NELL1: variants seen among roughly 807,000 people sequenced by gnomAD.
NELL1 encodes protein kinase C-binding protein NELL1.
Under a neutral mutation model 107.4 loss-of-function variants are expected in NELL1, and 76 were observed. The observed-to-expected ratio is 0.71, with a 90% CI of 0.59 to 0.86. The LOEUF is 0.86. Ranked by LOEUF, NELL1 falls within the 40% of genes least tolerant of loss-of-function variation. The probability of loss-of-function intolerance (pLI) is 0.00; values close to 1 mark genes in which losing one functional copy is unlikely to be tolerated. For synonymous variants in NELL1, 353 were observed against 341.2 expected, an observed-to-expected ratio of 1.03 and a Z score of -0.38; for missense variants, 1,024 against 1,005.5, an observed-to-expected ratio of 1.02 and a Z score of -0.25.
chr11:20,821,134 T>G (rs1233272895), intron 3 of NELL1, among the ~76,000 whole-genome samples: 2 of 152,128 alleles, frequency 1.3e-5, no homozygotes, highest in African/African-American at 4.8e-5. Context: ...AACTGGGACT[T>G]GAAGCATGAG....
At chr11:20,968,954 C>G (rs548322738) in intron 12 of NELL1, among the ~76,000 whole-genome samples, 1 of 152,232 alleles carries the variant, frequency 6.6e-6, no homozygotes, top group South Asian at 2.1e-4. Context: ...TAGCTGTGTT[C>G]CCAGGAGGAA....
chr11:21,220,942 G>A (rs1394529093), intron 13 of NELL1, among the ~76,000 whole-genome samples: 1 of 152,034 alleles, frequency 6.6e-6, no homozygotes, highest in Non-Finnish European at 1.5e-5. Context: ...TCTTTGTCTT[G>A]TTCTAGTTCT....
At chr11:20,671,852 G>T (rs1414621103) in intron 1 of NELL1, among the ~76,000 whole-genome samples, 3 of 152,146 alleles carry the variant, frequency 2.0e-5, no homozygotes, top group Non-Finnish European at 4.4e-5. Flanking sequence ...TAATTCTAGG[G>T]AGGAGTGGTG....
At chr11:20,698,636 A>T (rs1279058067) in intron 2 of NELL1, among the ~76,000 whole-genome samples, 1 of 152,176 alleles carries the variant, frequency 6.6e-6, no homozygotes, top group Non-Finnish European at 1.5e-5. Context: ...TGAGAAAAAG[A>T]CATTCATATT....
At chr11:20,938,302 G>A (rs539126449) in intron 10 of NELL1, among the ~76,000 whole-genome samples, 2 of 152,108 alleles carry the variant, frequency 1.3e-5, no homozygotes, top group Non-Finnish European at 2.9e-5. Context: ...AGATGTATAA[G>A]ATCATAGATC....
At chr11:21,007,685 C>G (rs550856413) in intron 12 of NELL1, among the ~76,000 whole-genome samples, 1 of 152,030 alleles carries the variant, frequency 6.6e-6, no homozygotes, top group African/African-American at 2.4e-5. Context: ...TACATTCACA[C>G]TTACTTGCAA....
At chr11:21,092,903 G>A (rs1353765790) in intron 12 of NELL1, among the ~76,000 whole-genome samples, 1 of 152,106 alleles carries the variant, frequency 6.6e-6, no homozygotes, top group Non-Finnish European at 1.5e-5. Flanking sequence ...TCTAGATGCA[G>A]ATGAACGCAG....
At chr11:20,956,873 T>C (rs1296621790) in intron 11 of NELL1, among the ~76,000 whole-genome samples, 3 of 152,210 alleles carry the variant, frequency 2.0e-5, no homozygotes, top group Admixed American at 6.5e-5. Flanking sequence ...TACTTTATCA[T>C]ATTTGAACTT....
chr11:21,488,899 A>G (rs1385425146), intron 15 of NELL1, among the ~76,000 whole-genome samples: 4 of 152,138 alleles, frequency 2.6e-5, no homozygotes, highest in Non-Finnish European at 2.9e-5. Flanking sequence ...GAACACACCA[A>G]GCACAAAATT....
At chr11:20,895,572 C>T (rs1012466558) in intron 5 of NELL1, among the ~76,000 whole-genome samples, 1 of 140,458 alleles carries the variant, frequency 7.1e-6, no homozygotes, top group African/African-American at 2.6e-5. Context: ...GTGGCGCGAT[C>T]TTGGCTCACT....
At chr11:21,060,680 C>A (rs9666307) in intron 12 of NELL1, among the ~76,000 whole-genome samples, 133 of 152,204 alleles carry the variant, frequency 8.7e-4, no homozygotes, top group African/African-American at 3.2e-3. Context: ...TTGTGGACAT[C>A]CTCCACCTTT....
chr11:21,036,902 G>A (rs4397848), intron 12 of NELL1, among the ~76,000 whole-genome samples: 29,775 of 151,820 alleles, frequency 0.2, 3,452 homozygotes, highest in African/African-American at 0.32. Context: ...ACACGTATTA[G>A]ATAATACTAT....
At chr11:20,756,316 T>C (rs1178997284) in intron 2 of NELL1, among the ~76,000 whole-genome samples, 3 of 151,808 alleles carry the variant, frequency 2.0e-5, no homozygotes, top group East Asian at 1.9e-4. Context: ...GTTACTGATA[T>C]TTTAGGTCAG....
intron 3 of NELL1, among the ~76,000 whole-genome samples, chr11:20,794,504 C>T (rs1276426295): frequency 7.9e-5 from 12 of 152,092 alleles, no homozygotes; most frequent in African/African-American, 2.9e-4. Context: ...AGGTATTGCC[C>T]TGGGTGTGCT....
intron 15 of NELL1, among the ~76,000 whole-genome samples, chr11:21,395,363 C>T (rs997108555): frequency 6.6e-6 from 1 of 151,472 alleles, no homozygotes; most frequent in African/African-American, 2.4e-5. Flanking sequence ...AACTTAATCA[C>T]ATTTAGGAAA....
Position 21,482,845 on chromosome 11 carries a change from G to A in NELL1, c.1646-51529G>A, listed in dbSNP as rs78634128. Among the ~76,000 whole-genome samples, 2,770 of 151,536 alleles carry A rather than the reference G, an allele frequency of 0.018. 210 individuals are homozygous for A. In the East Asian group the frequency reaches 0.22, roughly 12 times the overall value. ...TTTCCCCCCAAGGAACATGGTATTT[G>A]TAAATGATTAGCATTAAAATTGAAA... On this transcript the variant is annotated intron_variant, in intron 15 of 19. Transcript: ENST00000357134.
intron 9 of NELL1, among the ~76,000 whole-genome samples, chr11:20,932,873 C>A (rs1307384791): frequency 6.6e-6 from 1 of 152,178 alleles, no homozygotes; most frequent in East Asian, 1.9e-4. Flanking sequence ...ACAGAAGTCA[C>A]ACAGAGAAGG....
At chr11:21,540,332 T>C (rs1165405036) in intron 16 of NELL1, among the ~76,000 whole-genome samples, 4 of 152,240 alleles carry the variant, frequency 2.6e-5, no homozygotes, top group African/African-American at 9.6e-5. Flanking sequence ...TCTTTAACAC[T>C]CATTCCCCAA....
chr11:20,833,400 G>A (rs535568882), intron 3 of NELL1, among the ~76,000 whole-genome samples: 1 of 152,200 alleles, frequency 6.6e-6, no homozygotes, highest in African/African-American at 2.4e-5. Context: ...ACCCTTTGTT[G>A]TATCACAATC....
Sources: allele counts gnomAD v4.1 joint callset (sites outside exome capture counted in the v4.1 genomes callset), GRCh38; gene constraint gnomAD v4.1.1; transcripts MANE v1.5; gene names NCBI Gene and HGNC (gene_info 2026-07-23, HGNC 2026-07-21).